SLC9B1: variants seen among roughly 807,000 people sequenced by gnomAD.
SLC9B1 encodes the protein solute carrier family 9 member B1, also known as sodium/hydrogen exchanger 9B1.
SLC9B1 carries 32 observed loss-of-function variants against 51.7 expected under a neutral mutation model. The observed-to-expected ratio is 0.62, with a 90% confidence interval of 0.47 to 0.83. The LOEUF (loss-of-function observed/expected upper bound fraction) is 0.83, where lower values mean the gene tolerates loss of function less well. Ranked by LOEUF, SLC9B1 falls within the 40% of genes least tolerant of loss-of-function variation. The pLI, the probability that SLC9B1 is intolerant of heterozygous loss-of-function variation, is 0.00. For missense variants in SLC9B1, 406 were observed against 613.2 expected (o/e 0.66, Z 3.57); for synonymous variants, 145 against 212.7 (o/e 0.68, Z 2.77).
At chr4:102,954,976 G>A (rs1263997082) in intron 3 of SLC9B1, among the ~76,000 whole-genome samples, 1 of 152,088 alleles carries the variant, frequency 6.6e-6, no homozygotes, top group African/African-American at 2.4e-5. Flanking sequence ...CTCATCAAAG[G>A]CAGTTATCAA....
chr4:102,928,018 T>C (rs889459760), intron 7 of SLC9B1, among the ~76,000 whole-genome samples: 20 of 151,934 alleles, frequency 1.3e-4, no homozygotes, highest in African/African-American at 4.3e-4. Flanking sequence ...TAGGTGGGAA[T>C]TGAACAATGA....
intron 1 of SLC9B1, among the ~76,000 whole-genome samples, chr4:102,995,467 A>AC (rs1264436161): frequency 6.6e-6 from 1 of 152,172 alleles, no homozygotes; most frequent in Non-Finnish European, 1.5e-5. Flanking sequence ...GCATATTTTA[A>AC]GATATGTAAC....
intron 3 of SLC9B1, among the ~76,000 whole-genome samples, chr4:102,979,071 T>A (rs1451171461): frequency 1.3e-5 from 2 of 152,182 alleles, no homozygotes; most frequent in Non-Finnish European, 2.9e-5. Context: ...TGAGCAAACA[T>A]ACTTAATTGA....
chr4:102,967,286 C>T (rs1409564091), intron 3 of SLC9B1, among the ~76,000 whole-genome samples: 1 of 152,314 alleles, frequency 6.6e-6, no homozygotes, highest in East Asian at 1.9e-4. Context: ...TCAAACTTGT[C>T]CAACTTCTGC....
At chr4:102,979,714 T>G (rs1311360128) in intron 3 of SLC9B1, among the ~76,000 whole-genome samples, 1 of 152,188 alleles carries the variant, frequency 6.6e-6, no homozygotes, top group Admixed American at 6.6e-5. Context: ...TATTATTGTA[T>G]TTTTAATAGG....
chr4:103,012,440 T>C (rs1741130117), intron 1 of SLC9B1, among the ~76,000 whole-genome samples: 1 of 152,254 alleles, frequency 6.6e-6, no homozygotes, highest in Non-Finnish European at 1.5e-5. Context: ...GAAGGCTCTT[T>C]ATACAGCTCT....
intron 7 of SLC9B1, among the ~76,000 whole-genome samples, chr4:102,917,430 T>TATCTAC (rs1735632147): frequency 1.0e-4 from 1 of 10,030 alleles, no homozygotes; most frequent in Non-Finnish European, 2.1e-4. Flanking sequence ...TATATGCATG[T>TATCTAC]ATCTATATCT....
At chr4:102,995,954 T>C (rs373043908) in intron 1 of SLC9B1, among the ~76,000 whole-genome samples, 1 of 152,190 alleles carries the variant, frequency 6.6e-6, no homozygotes, top group African/African-American at 2.4e-5. Context: ...ATTTTATAGA[T>C]GTTCAAACTA....
intron 9 of SLC9B1, among the ~76,000 whole-genome samples, chr4:102,907,141 A>G (rs1735096571): frequency 6.6e-6 from 1 of 152,258 alleles, no homozygotes; most frequent in East Asian, 1.9e-4. Context: ...TTTGATTAAA[A>G]TAAACTCACA....
chr4:102,950,388 G>A (rs946801412), intron 3 of SLC9B1, among the ~76,000 whole-genome samples: 30 of 152,288 alleles, frequency 2.0e-4, no homozygotes, highest in African/African-American at 5.8e-4. Flanking sequence ...GCAACTAGGT[G>A]CTACTCACTG....
At chr4:102,962,097 C>A in intron 3 of SLC9B1, 2 of 383,044 alleles carry the variant, frequency 5.2e-6, no homozygotes, top group Non-Finnish European at 1.0e-5. Context: ...ACCCACTGCT[C>A]TGGGTCTCAG....
At chr4:102,957,861 A>G (rs923689319) in intron 3 of SLC9B1, among the ~76,000 whole-genome samples, 1 of 152,200 alleles carries the variant, frequency 6.6e-6, no homozygotes, top group Non-Finnish European at 1.5e-5. Context: ...GGCAATAACT[A>G]TAACAATACT....
chr4:102,991,664 G>C lies in SLC9B1; in HGVS notation c.48C>G (p.Phe16Leu). 1 of 1,588,830 alleles carries C rather than the reference G, an allele frequency of 6.3e-7. No homozygotes were observed. The highest frequency in any genetic ancestry group is 8.6e-7 in the Non-Finnish European group (1 of 1,165,838). ...TTACCTGAGGAGTTGTAGATGTTTG[G>C]AAGTTTTCATCCTCCAAATGTTCAT... ...SKNEHLEDEN[F>L]QTSTTPQSLI... The change falls in exon 2 of 12, where the codon TTC becomes TTG. Residue 16 changes from phenylalanine (F) to leucine (L), a missense_variant. Physicochemically the swap from Phe to Leu is conservative, Grantham distance 22. Transcript: ENST00000296422.
downstream of SLC9B1, among the ~76,000 whole-genome samples, chr4:102,899,501 C>T (rs1734691766): frequency 6.6e-6 from 1 of 151,746 alleles, no homozygotes; most frequent in Non-Finnish European, 1.5e-5. Context: ...GCAACCTCTG[C>T]CTCCTGGGTT....
At chr4:102,968,917 A>T (rs2110496359) in intron 3 of SLC9B1, among the ~76,000 whole-genome samples, 1 of 152,244 alleles carries the variant, frequency 6.6e-6, no homozygotes, top group South Asian at 2.1e-4. Flanking sequence ...ACGCCCACAG[A>T]GCCTTGCTTA....
At chr4:102,935,007 G>A (rs1359350943) in intron 6 of SLC9B1, among the ~76,000 whole-genome samples, 1 of 151,792 alleles carries the variant, frequency 6.6e-6, no homozygotes, top group Admixed American at 6.6e-5. Flanking sequence ...ATGGTGTTGT[G>A]TATTGGCAAT....
At chr4:103,001,299 C>T (rs1463938378) in intron 1 of SLC9B1, among the ~76,000 whole-genome samples, 1 of 152,230 alleles carries the variant, frequency 6.6e-6, no homozygotes, top group Non-Finnish European at 1.5e-5. Flanking sequence ...CTGATATTTT[C>T]CCCATTCTCC....
intron 1 of SLC9B1, among the ~76,000 whole-genome samples, chr4:103,013,733 G>C (rs1045869632): frequency 5.3e-5 from 8 of 152,094 alleles, no homozygotes; most frequent in Non-Finnish European, 7.3e-5. Flanking sequence ...AGCCACCATC[G>C]ACCTAGTTGC....
At chr4:102,904,752 C>T (rs1734944392) in intron 11 of SLC9B1, among the ~76,000 whole-genome samples, 1 of 151,948 alleles carries the variant, frequency 6.6e-6, no homozygotes, top group Non-Finnish European at 1.5e-5. Flanking sequence ...GAGGCTGAGG[C>T]GGGTGGATCA....
Sources: allele counts gnomAD v4.1 joint callset (sites outside exome capture counted in the v4.1 genomes callset), GRCh38; gene constraint gnomAD v4.1.1; transcripts MANE v1.5; gene names NCBI Gene and HGNC (gene_info 2026-07-23, HGNC 2026-07-21).